CTNNA2: variants seen among roughly 807,000 people sequenced by gnomAD.
CTNNA2 encodes the protein catenin alpha 2.
A neutral mutation model predicts 101.0 loss-of-function variants in CTNNA2; 42 were observed. That is an observed-to-expected ratio of 0.42 (90% confidence interval 0.32 to 0.54). CTNNA2 has a LOEUF of 0.54. Ranked by LOEUF, CTNNA2 falls within the 20% of genes least tolerant of loss-of-function variation. The pLI, the probability that CTNNA2 is intolerant of heterozygous loss-of-function variation, is 0.14. For synonymous variants in CTNNA2, 450 were observed against 456.4 expected (o/e 0.99, Z 0.18); for missense variants, 871 against 1,223.1 (o/e 0.71, Z 4.29).
intron 13 of CTNNA2, chr2:80,575,356 AT>A (rs1243965165): frequency 6.6e-6 from 1 of 152,120 alleles, no homozygotes; most frequent in Non-Finnish European, 1.5e-5. Context: ...CCAAAATATC[AT>A]TTTGTGGCAC....
At chr2:80,586,427 G>A (rs12105980) in intron 14 of CTNNA2, 1 of 152,162 alleles carries the variant, frequency 6.6e-6, no homozygotes, top group African/African-American at 2.4e-5. Flanking sequence ...GAAGCACCTA[G>A]CGAATGTTTT....
intron 1 of CTNNA2, among the ~76,000 whole-genome samples, chr2:79,524,376 G>A (rs1422286053): frequency 6.6e-6 from 1 of 151,870 alleles, no homozygotes; most frequent in African/African-American, 2.4e-5. Context: ...GGTTATTGCT[G>A]ATGTAGAAAT....
intron 2 of CTNNA2, among the ~76,000 whole-genome samples, chr2:79,682,025 C>G (rs1321348298): frequency 6.6e-6 from 1 of 152,146 alleles, no homozygotes; most frequent in Non-Finnish European, 1.5e-5. Flanking sequence ...GACTGGATTT[C>G]TCTGGATTAA....
At chr2:79,580,208 G>C (rs1300168452) in intron 1 of CTNNA2, among the ~76,000 whole-genome samples, 2 of 152,098 alleles carry the variant, frequency 1.3e-5, no homozygotes, top group African/African-American at 2.4e-5. Context: ...TTATCTGGGT[G>C]GGCCCAATCT....
intron 2 of CTNNA2, among the ~76,000 whole-genome samples, chr2:79,221,299 C>T (rs1402992050): frequency 1.3e-5 from 2 of 152,152 alleles, no homozygotes; most frequent in Non-Finnish European, 2.9e-5. Flanking sequence ...AGACCTGTAC[C>T]TCCATGCCTT....
chr2:79,605,089 G>C (rs1677797728), intron 1 of CTNNA2, among the ~76,000 whole-genome samples: 1 of 148,904 alleles, frequency 6.7e-6, no homozygotes, highest in African/African-American at 2.6e-5. Context: ...AATTAGCAAA[G>C]ACATTAAGAT....
At chr2:79,933,804 A>G (rs1014168541) in intron 7 of CTNNA2, among the ~76,000 whole-genome samples, 2 of 152,216 alleles carry the variant, frequency 1.3e-5, no homozygotes, top group African/African-American at 4.8e-5. Flanking sequence ...GCTTTTAAGC[A>G]CACTTAAAAT....
chr2:79,910,986 G>A (rs1685755246), intron 7 of CTNNA2, among the ~76,000 whole-genome samples: 1 of 152,186 alleles, frequency 6.6e-6, no homozygotes, highest in Non-Finnish European at 1.5e-5. Context: ...TGAACCTTCA[G>A]ATTCTTTGAT....
intron 7 of CTNNA2, among the ~76,000 whole-genome samples, chr2:80,354,654 A>G (rs1328396364): frequency 1.3e-5 from 2 of 152,208 alleles, no homozygotes; most frequent in Non-Finnish European, 2.9e-5. Flanking sequence ...ATTTGAATAC[A>G]TGACTTGATC....
Position 80,291,742 on chromosome 2 carries a change from A to T in CTNNA2, c.1057-101469A>T, listed in dbSNP as rs143673660. Among the ~76,000 whole-genome samples the T allele has an allele frequency of 3.2e-3, 481 of 152,322 alleles. 2 individuals are homozygous for T. The highest frequency in any genetic ancestry group is 0.011 in the African/African-American group (460 of 41,574). ...AGATAGCAAACAGCTCAGATGTGGA[A>T]ACAGTTTTTCCACATCACCAGAAGG... On this transcript the variant is annotated intron_variant, in intron 7 of 18. Transcript: ENST00000402739.
chr2:80,156,709 A>G (rs73938205), intron 7 of CTNNA2, among the ~76,000 whole-genome samples: 2,860 of 152,280 alleles, frequency 0.019, 94 homozygotes, highest in African/African-American at 0.064. Context: ...CTATCTGCAG[A>G]CTCAGCACAG....
chr2:79,525,897 A>G (rs890993364), intron 1 of CTNNA2, among the ~76,000 whole-genome samples: 1 of 152,036 alleles, frequency 6.6e-6, no homozygotes, highest in African/African-American at 2.4e-5. Context: ...AACAACATAT[A>G]GCTATTTTCT....
chr2:79,778,869 A>T (rs1015396994), intron 3 of CTNNA2, among the ~76,000 whole-genome samples: 1 of 152,228 alleles, frequency 6.6e-6, no homozygotes, highest in African/African-American at 2.4e-5. Context: ...TATTAGATAG[A>T]TATTTAAACC....
chr2:80,319,091 C>T (rs965080949), intron 7 of CTNNA2, among the ~76,000 whole-genome samples: 5 of 152,154 alleles, frequency 3.3e-5, no homozygotes, highest in African/African-American at 1.2e-4. Flanking sequence ...CTGGTTGCAA[C>T]TCTATTCAAA....
At chr2:79,502,138 C>T (rs1231672530) in intron 4 of CTNNA2, among the ~76,000 whole-genome samples, 1 of 151,928 alleles carries the variant, frequency 6.6e-6, no homozygotes, top group Non-Finnish European at 1.5e-5. Flanking sequence ...CAATCTTACC[C>T]AGGGAAATGT....
At chr2:80,226,445 T>C (rs13416818) in intron 7 of CTNNA2, among the ~76,000 whole-genome samples, 30,422 of 152,174 alleles carry the variant, frequency 0.2, 4,310 homozygotes, top group African/African-American at 0.4. Flanking sequence ...TCGTGGCAGG[T>C]GCCACATCGG....
intron 4 of CTNNA2, among the ~76,000 whole-genome samples, chr2:79,482,643 A>G (rs1017453252): frequency 6.6e-6 from 1 of 152,172 alleles, no homozygotes; most frequent in Non-Finnish European, 1.5e-5. Context: ...TCAAAGAGGT[A>G]AAAAGCCTAT....
intron 2 of CTNNA2, among the ~76,000 whole-genome samples, chr2:79,277,824 G>A (rs1167180303): frequency 6.6e-6 from 1 of 152,014 alleles, no homozygotes; most frequent in Non-Finnish European, 1.5e-5. Flanking sequence ...GGCTTTCACA[G>A]ACTCAATTTA....
chr2:79,895,690 TA>T lies in CTNNA2; in HGVS notation c.853-13902del, dbSNP rs1040627836. 9.1e-4 allele frequency among the ~76,000 whole-genome samples: 90 copies of T among 98,534 alleles called. 2 individuals are homozygous for T. Among genetic ancestry groups the T allele is most frequent in the South Asian group, 1.4e-3 (3 of 2,152 alleles). 64.6% of individuals were successfully genotyped at this position (98,534 alleles called of 152,430 possible). ...GGATTATGTGGTTTGTGAAATTTCTTAATTTTTTTTTTTTTTTTTGGCTGCA... is the reference window on the plus strand; with the variant it reads ...GGATTATGTGGTTTGTGAAATTTCTTATTTTTTTTTTTTTTTTTGGCTGCA... On this transcript the variant is annotated intron_variant, in intron 6 of 18. Coordinates refer to ENST00000402739, the MANE Select transcript of CTNNA2 (RefSeq NM_001282597.3).
Sources: allele counts gnomAD v4.1 joint callset (sites outside exome capture counted in the v4.1 genomes callset), GRCh38; gene constraint gnomAD v4.1.1; transcripts MANE v1.5; gene names NCBI Gene and HGNC (gene_info 2026-07-23, HGNC 2026-07-21).